TRAPPC9: variants seen among roughly 807,000 people sequenced by gnomAD.
TRAPPC9 encodes the protein trafficking protein particle complex subunit 9, also known as IKK2 binding protein.
Under a neutral mutation model 124.0 loss-of-function variants are expected in TRAPPC9, and 83 were observed. The observed-to-expected ratio is 0.67, with a 90% CI of 0.56 to 0.80. TRAPPC9 has a LOEUF of 0.80. Among genes scored for constraint, TRAPPC9 ranks in the 30% least tolerant of loss-of-function variants. TRAPPC9 has a pLI of 0.00. For synonymous variants in TRAPPC9, 638 were observed against 617.5 expected (o/e 1.03, Z -0.49); for missense variants, 1,302 against 1,508.3 (o/e 0.86, Z 2.27).
intron 1 of TRAPPC9, among the ~76,000 whole-genome samples, chr8:140,452,599 C>A (rs2071505413): frequency 6.6e-6 from 1 of 152,004 alleles, no homozygotes; most frequent in South Asian, 2.1e-4. Flanking sequence ...CTCTCTGAGC[C>A]AATTTTGTCA....
At chr8:140,044,922 C>T (rs1023210349) in intron 17 of TRAPPC9, among the ~76,000 whole-genome samples, 1 of 152,154 alleles carries the variant, frequency 6.6e-6, no homozygotes, top group Non-Finnish European at 1.5e-5. Flanking sequence ...ATATAGTCTA[C>T]GTCAGCTGGA....
intron 17 of TRAPPC9, among the ~76,000 whole-genome samples, chr8:140,036,214 C>T (rs1166214416): frequency 1.6e-5 from 2 of 128,796 alleles, no homozygotes; most frequent in African/African-American, 2.6e-5. Context: ...ATGACCTGAA[C>T]GACTTCTTTA....
intron 13 of TRAPPC9, among the ~76,000 whole-genome samples, chr8:140,285,171 CT>C (rs745380347): frequency 2.6e-5 from 4 of 152,218 alleles, no homozygotes; most frequent in Admixed American, 1.3e-4. Flanking sequence ...TGAACACTCA[CT>C]AGTCTGGACC....
At chr8:140,148,103 C>T (rs2061489256) in intron 17 of TRAPPC9, among the ~76,000 whole-genome samples, 1 of 152,246 alleles carries the variant, frequency 6.6e-6, no homozygotes, top group Admixed American at 6.5e-5. Context: ...CCTTGTCACG[C>T]ACACGGGAAG....
intron 17 of TRAPPC9, among the ~76,000 whole-genome samples, chr8:140,159,570 G>T (rs2130880878): frequency 6.6e-6 from 1 of 152,274 alleles, no homozygotes; most frequent in Admixed American, 6.5e-5. Context: ...ATATTTCATA[G>T]ATAATGCCAG....
chr8:140,088,024 C>T (rs1444926955), intron 17 of TRAPPC9, among the ~76,000 whole-genome samples: 1 of 152,002 alleles, frequency 6.6e-6, no homozygotes, highest in East Asian at 1.9e-4. Flanking sequence ...ATCTCTTTCT[C>T]ATGGTTCAGA....
chr8:140,392,260 T>A (rs1444595746), intron 7 of TRAPPC9, among the ~76,000 whole-genome samples: 1 of 152,228 alleles, frequency 6.6e-6, no homozygotes, highest in Non-Finnish European at 1.5e-5. Flanking sequence ...ATGGCCAATA[T>A]CTGAAAAGCA....
intron 17 of TRAPPC9, among the ~76,000 whole-genome samples, chr8:140,103,468 A>T (rs529084603): frequency 6.6e-6 from 1 of 152,300 alleles, no homozygotes; most frequent in South Asian, 2.1e-4. Flanking sequence ...GGTACAAGCG[A>T]TTGGGGCAGG....
chr8:140,259,686 C>T (rs1016692237), intron 15 of TRAPPC9, among the ~76,000 whole-genome samples: 5 of 152,192 alleles, frequency 3.3e-5, no homozygotes, highest in Admixed American at 6.5e-5. Flanking sequence ...TTCTCCTAAC[C>T]GGACAATCTT....
intron 17 of TRAPPC9, among the ~76,000 whole-genome samples, chr8:140,106,218 G>C (rs553582160): frequency 1.3e-5 from 2 of 152,122 alleles, no homozygotes; most frequent in Non-Finnish European, 2.9e-5. Context: ...ATCAGATCGT[G>C]CCATCAGAGC....
At chr8:139,794,016 C>T (rs555793458) in intron 21 of TRAPPC9, among the ~76,000 whole-genome samples, 4 of 152,292 alleles carry the variant, frequency 2.6e-5, no homozygotes, top group East Asian at 1.9e-4. Context: ...GGCTCCTCCC[C>T]GTCACCCCTG....
chr8:140,208,711 G>A (rs1489554140), intron 17 of TRAPPC9, among the ~76,000 whole-genome samples: 6 of 152,226 alleles, frequency 3.9e-5, no homozygotes, highest in Non-Finnish European at 7.3e-5. Flanking sequence ...GAAGTGCAGA[G>A]GTTCCTGTGG....
intron 9 of TRAPPC9, among the ~76,000 whole-genome samples, chr8:140,342,204 C>T (rs796338542): frequency 1.3e-5 from 2 of 152,290 alleles, no homozygotes; most frequent in African/African-American, 2.4e-5. Context: ...CCTGGAGCCA[C>T]GTTGTCCCAC....
In TRAPPC9 at chr8:140,451,355, T is replaced by C. The variant is rs745921994; in HGVS notation, c.19A>G (p.Met7Val). 7 of 1,604,250 alleles carry C rather than the reference T, an allele frequency of 4.4e-6. No homozygotes were observed. Among genetic ancestry groups the C allele is most frequent in the East Asian group, 2.2e-5 (1 of 44,902 alleles). Residue 7 changes from methionine to valine, a missense_variant, in exon 2 of 23, where the codon ATG (methionine) becomes GTG (valine). Met to Val is a conservative substitution (Grantham distance 21, BLOSUM62 1). This residue lies in a region of TRAPPC9 where 657 missense variants were observed against 811.2 expected (regional missense o/e 0.81). Transcript: ENST00000438773. MSVPDY[M>V]QCAEDHQTLL... ...GTCTGGTGGTCCTCAGCACACTGCA[T>C]GTAGTCAGGGACGCTCATTTTGAAG...
At chr8:140,156,077 T>G (rs568529159) in intron 17 of TRAPPC9, among the ~76,000 whole-genome samples, 31 of 152,162 alleles carry the variant, frequency 2.0e-4, no homozygotes, top group Non-Finnish European at 3.8e-4. Context: ...GAGCCTCAGC[T>G]CACTCCTTGC....
rs1367288011 is a variant in TRAPPC9, at chr8:139,991,695, G to A, written c.2700-2859C>T. On this transcript the variant is annotated intron_variant, in intron 18 of 22. Coordinates refer to ENST00000438773, the MANE Select transcript of TRAPPC9 (RefSeq NM_001160372.4). ...GTCTCTGAAGGGGACAGACACGTTT[G>A]CCTGGCTTAGAAGACACAAGGGAAC... Among the ~76,000 whole-genome samples, 3 of 151,810 alleles carry A rather than the reference G, an allele frequency of 2.0e-5. No homozygotes were observed. The East Asian group carries it at 5.8e-4, about 29-fold the overall frequency.
chr8:140,024,826 C>G (rs1840036564), intron 17 of TRAPPC9, among the ~76,000 whole-genome samples: 1 of 150,742 alleles, frequency 6.6e-6, no homozygotes, highest in African/African-American at 2.4e-5. Context: ...GATGAGGTGA[C>G]AGGCGGGGGC....
intron 21 of TRAPPC9, among the ~76,000 whole-genome samples, chr8:139,821,331 T>G (rs1825238570): frequency 6.6e-6 from 1 of 152,236 alleles, no homozygotes; most frequent in African/African-American, 2.4e-5. Flanking sequence ...TGCACAGTGC[T>G]GAGAAGGGCG....
At chr8:140,354,490 G>A (rs574632788) in intron 9 of TRAPPC9, among the ~76,000 whole-genome samples, 90 of 152,144 alleles carry the variant, frequency 5.9e-4, no homozygotes, top group Non-Finnish European at 9.6e-4. Context: ...CCCTAATAAC[G>A]TATCTTGTAG....
Sources: allele counts gnomAD v4.1 joint callset (sites outside exome capture counted in the v4.1 genomes callset), GRCh38; gene constraint gnomAD v4.1.1; regional missense constraint gnomAD v4.1.1; transcripts MANE v1.5; gene names NCBI Gene and HGNC (gene_info 2026-07-23, HGNC 2026-07-21).